The following CP variants were observed in gnomAD, a reference collection of about 807,000 sequenced individuals.
The protein encoded by CP is ceruloplasmin, also known as caeruloplasmin.
Under a neutral mutation model 122.4 loss-of-function variants are expected in CP, and 64 were observed. The observed-to-expected ratio is 0.52, with a 90% confidence interval of 0.43 to 0.64. The LOEUF (loss-of-function observed/expected upper bound fraction) is 0.64, where lower values mean the gene tolerates loss of function less well. CP is among the 30% of genes least tolerant of loss of function. The pLI, the probability that CP is intolerant of heterozygous loss-of-function variation, is 0.00. For synonymous variants in CP, 440 were observed against 436.4 expected (o/e 1.01, Z -0.10); for missense variants, 1,167 against 1,284.4 (o/e 0.91, Z 1.40).
At chr3:149,165,665 A>G (rs964048595) in intron 5 of CP, among the ~76,000 whole-genome samples, 1 of 152,114 alleles carries the variant, frequency 6.6e-6, no homozygotes, top group African/African-American at 2.4e-5. Flanking sequence ...TCTTGATTAC[A>G]TGGATAAAAC....
At chr3:149,171,571 C>T (rs913147252), downstream of CP, among the ~76,000 whole-genome samples, 10 of 152,040 alleles carry the variant, frequency 6.6e-5, no homozygotes, top group Admixed American at 2.0e-4. Flanking sequence ...TTTCATGTGG[C>T]TGATATAAAA....
intron 9 of CP, among the ~76,000 whole-genome samples, chr3:149,189,467 T>A (rs546638991): frequency 6.0e-5 from 9 of 150,118 alleles, no homozygotes; most frequent in Middle Eastern, 6.8e-3. Flanking sequence ...GGCAGGAGAA[T>A]GGCGTGAACC....
chr3:149,184,025 C>CTT lies in CP; in HGVS notation c.2286-422_2286-421dup, dbSNP rs1559939313. Among the ~76,000 whole-genome samples, 269 of 66,238 alleles carry CTT rather than the reference C, an allele frequency of 4.1e-3. 4 individuals are homozygous for CTT. The highest frequency in any genetic ancestry group is 8.2e-3 in the Middle Eastern group (1 of 122). 43.5% of individuals were successfully genotyped at this position (66,238 alleles called of 152,430 possible). A position where few individuals can be genotyped will look rare whatever the true frequency, so the allele number is the denominator to read the frequency against. ...TTCCCAGGCATTCCCTTTTCACTTA[C>CTT]TTCTTTTTTTTTTTTTTTTTTTTTT... is the stretch of plus-strand genomic sequence containing the variant. On this transcript the variant is annotated intron_variant, in intron 12 of 18. Coordinates refer to ENST00000264613, the MANE Select transcript of CP (RefSeq NM_000096.4).
chr3:149,200,369 G>C (rs944898231), intron 7 of CP, among the ~76,000 whole-genome samples: 1 of 152,034 alleles, frequency 6.6e-6, no homozygotes, highest in Non-Finnish European at 1.5e-5. Context: ...TATACAAAAT[G>C]ACATTTATAG....
chr3:149,195,021 A>G (rs1275981467), intron 9 of CP, among the ~76,000 whole-genome samples: 3 of 152,210 alleles, frequency 2.0e-5, no homozygotes, highest in Non-Finnish European at 4.4e-5. Context: ...TAAATATTTT[A>G]GTAGATGATA....
At chr3:149,179,822 T>C in intron 14 of CP, 160 bp from the exon 15 acceptor site, 1 of 610,362 alleles carries the variant, frequency 1.6e-6, no homozygotes, top group African/African-American at 1.9e-5. Flanking sequence ...GTACTCAAGA[T>C]TGTTTTCAGG....
At chr3:149,198,628 C>A in intron 8 of CP, 50 bp from the exon 9 acceptor site, 2 of 1,513,280 alleles carry the variant, frequency 1.3e-6, no homozygotes, top group South Asian at 2.3e-5. Context: ...CTAACGTGGT[C>A]ATTTGAGCCA....
chr3:149,162,771 G>C, exon 6 of CP: 2 of 1,614,030 alleles, frequency 1.2e-6, no homozygotes, highest in Non-Finnish European at 1.7e-6. Flanking sequence ...ATGTCTCCCA[G>C]ATGTGGTACT....
intron 1 of CP, among the ~76,000 whole-genome samples, chr3:149,214,022 C>G (rs374248812): frequency 6.6e-4 from 101 of 152,264 alleles, no homozygotes; most frequent in Middle Eastern, 3.4e-3. Flanking sequence ...GGGGCAGGGC[C>G]CAGGTATCTG....
chr3:149,207,677 T>A, intron 4 of CP, 60 bp from the exon 5 acceptor site: 1 of 1,556,832 alleles, frequency 6.4e-7, no homozygotes, highest in Non-Finnish European at 8.9e-7. Context: ...TAGTGAGAGT[T>A]ACCTCTATAT....
At chr3:149,220,245 G>A (rs1728717246) in intron 1 of CP, among the ~76,000 whole-genome samples, 1 of 152,108 alleles carries the variant, frequency 6.6e-6, no homozygotes, top group Non-Finnish European at 1.5e-5. Flanking sequence ...CTTAGTTTAT[G>A]CCTGATAAAG....
At chr3:149,182,488 A>G (rs952848471) in intron 13 of CP, among the ~76,000 whole-genome samples, 15 of 152,106 alleles carry the variant, frequency 9.9e-5, no homozygotes, top group African/African-American at 3.4e-4. Flanking sequence ...CTCCAGCAAC[A>G]ATGCCATTTT....
At position 149,179,682 on chromosome 3, in the gene CP, A is replaced by T; in HGVS notation, c.2555-20T>A. 7.0e-7 allele frequency: 1 copy of T among 1,427,490 alleles called. No individual in the cohort carries two copies. Among genetic ancestry groups the T allele is most frequent in the Non-Finnish European group, 9.8e-7 (1 of 1,019,318 alleles). The allele number at this position is 1,427,490 out of a possible 1,614,324, so 88.4% of individuals were successfully genotyped here. A position where few individuals can be genotyped will look rare whatever the true frequency, so the allele number is the denominator to read the frequency against. On this transcript the variant is annotated intron_variant, in intron 14 of 18. Transcript: ENST00000264613. ...TTTCACCTAAATTCATCAAGTGTTA[A>T]TGGATCTGGTTGTATTTGGTTTATA...
rs1173311774 is a variant in CP, at chr3:149,181,872, T to A, written c.2554+133A>T. The A allele has an allele frequency of 4.0e-6, 4 of 1,007,622 alleles. No individual in the cohort carries two copies. In the East Asian group the frequency reaches 9.8e-5, roughly 25 times the overall value. The allele number at this position is 1,007,622 out of a possible 1,614,324, so 62.4% of individuals were successfully genotyped here. Reference sequence around the variant, plus strand: ...ATGTACTTGCATACACACAGACACCTCCTTGCATCCCCTCTTCACAACTAC... The same window carrying A: ...ATGTACTTGCATACACACAGACACCACCTTGCATCCCCTCTTCACAACTAC... On this transcript the variant is annotated intron_variant, in intron 14 of 18. Coordinates refer to ENST00000264613, the MANE Select transcript of CP (RefSeq NM_000096.4).
chr3:149,181,973 T>TGCGGGGGGGGGGGG, intron 14 of CP, 32 bp downstream of exon 14: 6 of 1,375,574 alleles, frequency 4.4e-6, no homozygotes, highest in Non-Finnish European at 6.2e-6. Context: ...CCTGTTAAAA[T>TGCGGGGGGGGGGGG]GCACCACCCC....
intron 8 of CP, among the ~76,000 whole-genome samples, 160 bp from the exon 9 acceptor site, chr3:149,198,738 G>T (rs1244364140): frequency 2.0e-5 from 3 of 152,210 alleles, no homozygotes; most frequent in Non-Finnish European, 4.4e-5. Context: ...ATAACAGACC[G>T]ATGTGATTGC....
At position 149,178,467 on chromosome 3, in the gene CP, G is replaced by A. The variant is rs199845371; in HGVS notation, c.2826C>T (p.Pro942=). Residue 942 remains proline (P), a synonymous_variant, in exon 16 of 19, where the codon CCC becomes CCT. Transcript: ENST00000264613. The part of the protein sequence containing the change: ...DDNIKTYSDH[P]EKVNKDDEEF... Reference sequence around the variant, plus strand: ...CCTCATCATCTTTGTTTACTTTCTCGGGGTGATCAGAGTATGTTTTGATGT... The same window carrying A: ...CCTCATCATCTTTGTTTACTTTCTCAGGGTGATCAGAGTATGTTTTGATGT... 2.3e-5 allele frequency: 37 copies of A among 1,612,968 alleles called. No homozygotes were observed. The highest frequency in any genetic ancestry group is 1.6e-4 in the South Asian group (15 of 91,006).
intron 1 of CP, 38 bp from the exon 2 acceptor site, chr3:149,212,736 C>T: frequency 6.2e-7 from 1 of 1,607,162 alleles, no homozygotes; most frequent in Non-Finnish European, 8.5e-7. Context: ...CAGAAGCCAT[C>T]ATTTCTAGGG....
At chr3:149,177,700 G>T in intron 17 of CP, 140 bp downstream of exon 17, 1 of 904,762 alleles carries the variant, frequency 1.1e-6, no homozygotes. Flanking sequence ...TTGAATCCTG[G>T]GTGGGGAATC....
Sources: gnomAD v4.1 joint callset for allele counts (sites outside exome capture counted in the v4.1 genomes callset) on GRCh38, gnomAD v4.1.1 for gene constraint, MANE v1.5 for transcripts, NCBI Gene and HGNC (gene_info 2026-07-23, HGNC 2026-07-21) for gene names.